Variants in CACNA2D3 observed in about 807,000 individuals in gnomAD.
CACNA2D3 encodes voltage-dependent calcium channel subunit alpha-2/delta-3.
In CACNA2D3, 60 loss-of-function variants were observed where a neutral mutation model predicts 160.6. The observed-to-expected ratio is 0.37, with a 90% confidence interval of 0.30 to 0.46. The LOEUF is 0.46. CACNA2D3 is among the 20% of genes least tolerant of loss of function. The probability of loss-of-function intolerance (pLI) is 1.00; values close to 1 mark genes in which losing one functional copy is unlikely to be tolerated. For synonymous variants in CACNA2D3, 558 were observed against 492.9 expected, an observed-to-expected ratio of 1.13 and a Z score of -1.75; for missense variants, 1,205 against 1,365.0, an observed-to-expected ratio of 0.88 and a Z score of 1.85.
At chr3:54,247,019 C>T (rs6774004) in intron 2 of CACNA2D3, among the ~76,000 whole-genome samples, 1 of 152,064 alleles carries the variant, frequency 6.6e-6, no homozygotes, top group African/African-American at 2.4e-5. Flanking sequence ...CAGATTAAAA[C>T]CATATCCTAC....
At chr3:54,994,437 C>T (rs543105578) in intron 31 of CACNA2D3, among the ~76,000 whole-genome samples, 1 of 152,252 alleles carries the variant, frequency 6.6e-6, no homozygotes, top group South Asian at 2.1e-4. Context: ...TCAGAGGTGG[C>T]ATTGAAGGGA....
chr3:54,697,860 A>T (rs1700692169), intron 11 of CACNA2D3, among the ~76,000 whole-genome samples: 1 of 152,152 alleles, frequency 6.6e-6, no homozygotes, highest in Admixed American at 6.5e-5. Flanking sequence ...CAATTAATTT[A>T]GTTTTCCCTT....
chr3:54,646,628 TACC>T (rs1699658138), intron 11 of CACNA2D3, among the ~76,000 whole-genome samples: 2 of 152,210 alleles, frequency 1.3e-5, no homozygotes, highest in Admixed American at 6.5e-5. Flanking sequence ...GTGGTATATG[TACC>T]ACATTTTCTG....
chr3:54,357,483 G>A (rs906768543), intron 3 of CACNA2D3, among the ~76,000 whole-genome samples: 4 of 152,144 alleles, frequency 2.6e-5, no homozygotes, highest in Admixed American at 6.5e-5. Flanking sequence ...AATGCAAAAC[G>A]GTAACAGCCA....
chr3:54,853,137 G>GTCACCTCAGAGAAGCATCGCTGCGC (rs1262239987), intron 17 of CACNA2D3, among the ~76,000 whole-genome samples: 16 of 152,100 alleles, frequency 1.1e-4, no homozygotes, highest in African/African-American at 3.9e-4. Flanking sequence ...TAGCTCAGAT[G>GTCACCTCAGAGAAGCATCGCTGCGC]TCACCTCAGA....
chr3:54,878,910 G>A lies in CACNA2D3; in HGVS notation c.1711-108G>A, dbSNP rs576102628. The A allele has an allele frequency of 2.9e-4, 170 of 576,446 alleles. No individual in the cohort carries two copies. The highest frequency in any genetic ancestry group is 2.9e-3 in the African/African-American group (147 of 51,476). The allele number at this position is 576,446 out of a possible 1,614,324, so 35.7% of individuals were successfully genotyped here. ...TTTATTCTTCAGAAGCTCTGTTTTC[G>A]AGGTGTAAGTTCAATATGGAGGCTC... is the stretch of plus-strand genomic sequence containing the variant. On this transcript the variant is annotated intron_variant, in intron 18 of 37. Coordinates refer to ENST00000474759, the MANE Select transcript of CACNA2D3 (RefSeq NM_018398.3).
chr3:54,547,695 T>TAA (rs1240859528), intron 5 of CACNA2D3, among the ~76,000 whole-genome samples: 2 of 141,702 alleles, frequency 1.4e-5, no homozygotes, highest in Non-Finnish European at 3.0e-5. Context: ...TTTTTTTTTT[T>TAA]TTTAAGAGAG....
intron 2 of CACNA2D3, among the ~76,000 whole-genome samples, chr3:54,185,626 C>T (rs1052690067): frequency 6.6e-6 from 1 of 152,074 alleles, no homozygotes; most frequent in Non-Finnish European, 1.5e-5. Context: ...CTTTAAAGGG[C>T]CAGGTAGTAA....
intron 4 of CACNA2D3, among the ~76,000 whole-genome samples, chr3:54,464,852 A>ACCCCT (rs899473919): frequency 3.0e-4 from 46 of 151,856 alleles, no homozygotes; most frequent in African/African-American, 1.1e-3. Context: ...TGCAGAAATC[A>ACCCCT]CCCCTCTTCT....
intron 4 of CACNA2D3, among the ~76,000 whole-genome samples, chr3:54,492,922 A>G (rs1701134186): frequency 6.6e-6 from 1 of 152,166 alleles, no homozygotes; most frequent in African/African-American, 2.4e-5. Flanking sequence ...CCCAGAGAGA[A>G]TATGCTACTT....
chr3:54,445,615 C>G (rs1179732272), intron 4 of CACNA2D3, among the ~76,000 whole-genome samples: 1 of 148,090 alleles, frequency 6.8e-6, no homozygotes, highest in Non-Finnish European at 1.5e-5. Flanking sequence ...GAAAATGGAG[C>G]ATTCATATCT....
intron 11 of CACNA2D3, among the ~76,000 whole-genome samples, chr3:54,736,054 T>TATATAC (rs1701505402): frequency 1.3e-5 from 1 of 74,962 alleles, no homozygotes; most frequent in Non-Finnish European, 2.7e-5. Context: ...TACACATACA[T>TATATAC]ATGTATGTAT....
chr3:54,647,354 C>A (rs1699671149), intron 11 of CACNA2D3, among the ~76,000 whole-genome samples: 1 of 152,210 alleles, frequency 6.6e-6, no homozygotes, highest in Non-Finnish European at 1.5e-5. Context: ...TGCTATAAAG[C>A]ATCCGCAAGC....
intron 2 of CACNA2D3, among the ~76,000 whole-genome samples, chr3:54,301,345 T>A (rs1455760151): frequency 6.6e-6 from 1 of 150,654 alleles, no homozygotes; most frequent in African/African-American, 2.4e-5. Flanking sequence ...ACACCTGTAG[T>A]CCCAGCACTT....
At chr3:54,503,425 A>G (rs1701323455) in intron 4 of CACNA2D3, 67 bp from the exon 5 acceptor site, 2 of 1,432,536 alleles carry the variant, frequency 1.4e-6, no homozygotes, top group Non-Finnish European at 2.0e-6. Context: ...GCCTGTGCCC[A>G]GGTCTAAGTG....
chr3:54,960,387 C>A (rs1451501583), intron 27 of CACNA2D3, among the ~76,000 whole-genome samples: 1 of 152,158 alleles, frequency 6.6e-6, no homozygotes, highest in Non-Finnish European at 1.5e-5. Flanking sequence ...AATATGCAAT[C>A]ATTTAGGGGT....
chr3:54,497,963 T>A (rs553063151), intron 4 of CACNA2D3, among the ~76,000 whole-genome samples: 5 of 151,988 alleles, frequency 3.3e-5, no homozygotes, highest in Admixed American at 3.3e-4. Context: ...TGATGTATTA[T>A]CCCTTTATTT....
At chr3:54,419,324 A>G (rs1160872916) in intron 4 of CACNA2D3, among the ~76,000 whole-genome samples, 1 of 152,176 alleles carries the variant, frequency 6.6e-6, no homozygotes, top group Non-Finnish European at 1.5e-5. Context: ...AGTCAGAGAG[A>G]ACAAAAGACC....
At chr3:54,508,823 G>T (rs1292573570) in intron 5 of CACNA2D3, among the ~76,000 whole-genome samples, 1 of 152,162 alleles carries the variant, frequency 6.6e-6, no homozygotes, top group East Asian at 1.9e-4. Context: ...TCCAGCCCCT[G>T]AAAATGAAAA....
Sources: allele counts gnomAD v4.1 joint callset (sites outside exome capture counted in the v4.1 genomes callset), GRCh38; gene constraint gnomAD v4.1.1; transcripts MANE v1.5; gene names NCBI Gene and HGNC (gene_info 2026-07-23, HGNC 2026-07-21).